NDUFV2: variants seen among roughly 807,000 people sequenced by gnomAD.
NDUFV2 encodes NADH dehydrogenase [ubiquinone] flavoprotein 2, mitochondrial.
NDUFV2 carries 18 observed loss-of-function variants against 31.6 expected under a neutral mutation model. That is an observed-to-expected ratio of 0.57 (90% CI 0.39 to 0.84). The LOEUF is 0.84. Ranked by LOEUF, NDUFV2 falls within the 40% of genes least tolerant of loss-of-function variation. The pLI is 0.00. For missense variants in NDUFV2, 314 were observed against 303.6 expected (o/e 1.03, Z -0.26); for synonymous variants, 83 against 99.8 (o/e 0.83, Z 1.01).
intron 1 of NDUFV2, among the ~76,000 whole-genome samples, chr18:9,107,998 C>G (rs1476087661): frequency 1.3e-5 from 2 of 152,168 alleles, no homozygotes; most frequent in Non-Finnish European, 2.9e-5. Flanking sequence ...CCCGGGTCCA[C>G]TGGATGGGCA....
rs2077906848 is a variant in NDUFV2 at position 9,117,846 on chromosome 18, TG to T, written c.64del (p.Val22Ter). On this transcript the variant is annotated frameshift_variant, in exon 2 of 8. Coordinates refer to ENST00000318388, the MANE Select transcript of NDUFV2 (RefSeq NM_021074.5). LOFTEE classifies it high-confidence loss of function. ...AGLTAHWGRH[V>X]RNLHKTVMQN... is the part of the protein sequence containing the mutation. ...AAAATTTTAAATTTTAGGGAAGACA[TG>T]TAAGGAATTTGCATAAGACAGTTAT... 2 of 1,590,536 alleles carry T rather than the reference TG, an allele frequency of 1.3e-6. No individual in the cohort carries two copies. The highest frequency in any genetic ancestry group is 1.7e-6 in the Non-Finnish European group (2 of 1,159,270).
chr18:9,105,045 A>G, intron 1 of NDUFV2: 1 of 1,423,044 alleles, frequency 7.0e-7, no homozygotes, highest in African/African-American at 1.4e-5. Context: ...TTATCAGTAG[A>G]CATTTCTATA....
At chr18:9,127,120 G>A (rs575131976) in intron 7 of NDUFV2, among the ~76,000 whole-genome samples, 16 of 152,226 alleles carry the variant, frequency 1.1e-4, no homozygotes, top group African/African-American at 3.1e-4. Context: ...TATAGAGAAG[G>A]AAATTTTACT....
chr18:9,124,178 A>G (rs2077965461), intron 5 of NDUFV2, among the ~76,000 whole-genome samples: 1 of 150,936 alleles, frequency 6.6e-6, no homozygotes, highest in Non-Finnish European at 1.5e-5. Flanking sequence ...TTAAAATTAC[A>G]TAGAGTTTTT....
chr18:9,104,350 G>C, intron 1 of NDUFV2: 1 of 1,498,608 alleles, frequency 6.7e-7, no homozygotes, highest in Non-Finnish European at 9.1e-7. Flanking sequence ...TTAAAGTAGA[G>C]GAATAAGATG....
intron 2 of NDUFV2, 60 bp from the exon 3 acceptor site, chr18:9,119,266 C>A: frequency 8.1e-7 from 1 of 1,237,638 alleles, no homozygotes; most frequent in Non-Finnish European, 1.2e-6. Flanking sequence ...TAGTAATGTA[C>A]AGTGTCATTC....
intron 1 of NDUFV2, among the ~76,000 whole-genome samples, chr18:9,105,662 G>A (rs929958600): frequency 6.6e-6 from 1 of 152,164 alleles, no homozygotes; most frequent in African/African-American, 2.4e-5. Context: ...TAAACCCATT[G>A]TAAATTGAAA....
chr18:9,119,017 CAGA>C (rs2077915309), intron 2 of NDUFV2, among the ~76,000 whole-genome samples: 2 of 151,988 alleles, frequency 1.3e-5, no homozygotes, highest in African/African-American at 4.8e-5. Context: ...GTAATTCTAT[CAGA>C]AGATCTTACT....
chr18:9,124,801 C>CTTT, intron 5 of NDUFV2, 73 bp from the exon 6 acceptor site: 5 of 1,218,412 alleles, frequency 4.1e-6, no homozygotes, highest in Non-Finnish European at 5.6e-6. Flanking sequence ...TATAAAAATT[C>CTTT]TTTTTTTTTT....
At chr18:9,106,913 C>CTTT (rs34825279) in intron 1 of NDUFV2, among the ~76,000 whole-genome samples, 1 of 151,868 alleles carries the variant, frequency 6.6e-6, no homozygotes, top group African/African-American at 2.4e-5. Context: ...CTTCGACCCT[C>CTTT]CTGGCATTCA....
intron 1 of NDUFV2, among the ~76,000 whole-genome samples, chr18:9,105,527 A>C (rs141269256): frequency 1.8e-4 from 28 of 152,292 alleles, no homozygotes. Context: ...TGTAATGTTG[A>C]TGCCACTTTA....
At position 9,102,817 on chromosome 18, in the gene NDUFV2, G is replaced by T. The variant is rs780500121; in HGVS notation, c.54+20G>T. On this transcript the variant is annotated intron_variant, in intron 1 of 7. Coordinates refer to ENST00000318388, the MANE Select transcript of NDUFV2 (RefSeq NM_021074.5). ...CACTGGGTAAGGAGGCTCAAGCTGA[G>T]CCCGGCGCTGCCGCCGCCCTTCTCT... 65 of 1,546,584 alleles carry T rather than the reference G, an allele frequency of 4.2e-5. 1 individual carries two copies. In the South Asian group the frequency reaches 7.8e-4, roughly 18 times the overall value.
chr18:9,103,268 A>G (rs941029378), intron 1 of NDUFV2: 1 of 397,536 alleles, frequency 2.5e-6, no homozygotes, highest in Non-Finnish European at 4.4e-6. Flanking sequence ...AAGGGTGGCC[A>G]ATGTTTGATT....
At chr18:9,115,094 T>C (rs1181537382) in intron 1 of NDUFV2, among the ~76,000 whole-genome samples, 1 of 152,236 alleles carries the variant, frequency 6.6e-6, no homozygotes, top group African/African-American at 2.4e-5. Context: ...GTTTTTCTTA[T>C]ACCTGCTGAG....
chr18:9,105,418 A>G (rs1012773091), intron 1 of NDUFV2, among the ~76,000 whole-genome samples: 3 of 152,232 alleles, frequency 2.0e-5, no homozygotes, highest in Admixed American at 2.0e-4. Flanking sequence ...ATAATACCTC[A>G]TAGGTGATTG....
In NDUFV2 at chr18:9,126,776, A is replaced by T. The variant is rs979849914; in HGVS notation, c.580-55A>T. 2.8e-6 allele frequency: 4 copies of T among 1,437,142 alleles called. No individual in the cohort carries two copies. In the Admixed American group the frequency reaches 6.7e-5, roughly 24 times the overall value. The allele number at this position is 1,437,142 out of a possible 1,614,324, so 89.0% of individuals were successfully genotyped here. On this transcript the variant is annotated intron_variant, in intron 6 of 7. Coordinates refer to ENST00000318388, the MANE Select transcript of NDUFV2 (RefSeq NM_021074.5). Reference sequence around the variant, plus strand: ...ATAGTGAGACCTTGTCTCTATAAATATATCGATATAAAAGAAAGTAATTTA... The same window carrying T: ...ATAGTGAGACCTTGTCTCTATAAATTTATCGATATAAAAGAAAGTAATTTA...
At chr18:9,134,101 G>A in intron 7 of NDUFV2, 85 bp from the exon 8 acceptor site, 1 of 960,346 alleles carries the variant, frequency 1.0e-6, no homozygotes, top group Admixed American at 1.8e-5. Context: ...TTACTTAACT[G>A]GGCTCTTGTG....
At chr18:9,133,662 G>A (rs1225897085) in intron 7 of NDUFV2, among the ~76,000 whole-genome samples, 2 of 152,178 alleles carry the variant, frequency 1.3e-5, no homozygotes, top group African/African-American at 4.8e-5. Context: ...CAAATACAAT[G>A]TATAAGTGTG....
intron 1 of NDUFV2, among the ~76,000 whole-genome samples, chr18:9,104,777 TATTTG>T (rs2077833206): frequency 6.8e-6 from 1 of 146,476 alleles, no homozygotes; most frequent in South Asian, 2.3e-4. Flanking sequence ...ACACAATAAA[TATTTG>T]AGTTGATGAA....
Sources: allele counts gnomAD v4.1 joint callset (sites outside exome capture counted in the v4.1 genomes callset), GRCh38; gene constraint gnomAD v4.1.1; transcripts MANE v1.5; gene names NCBI Gene and HGNC (gene_info 2026-07-23, HGNC 2026-07-21).